Variants in DSE observed in about 807,000 individuals in gnomAD.
The protein encoded by DSE is dermatan sulfate epimerase.
A neutral mutation model predicts 84.4 loss-of-function variants in DSE; 36 were observed. The observed-to-expected ratio is 0.43, with a 90% CI of 0.33 to 0.56. The LOEUF (loss-of-function observed/expected upper bound fraction) is 0.56. Ranked by LOEUF, DSE falls within the 20% of genes least tolerant of loss-of-function variation. The pLI is 0.06. For synonymous variants in DSE, 410 were observed against 430.1 expected, an observed-to-expected ratio of 0.95 and a Z score of 0.58; for missense variants, 862 against 1,169.6, an observed-to-expected ratio of 0.74 and a Z score of 3.84.
chr6:116,262,461 A>G (rs1212799269), intron 2 of DSE, among the ~76,000 whole-genome samples: 2 of 152,116 alleles, frequency 1.3e-5, no homozygotes, highest in Non-Finnish European at 2.9e-5. Flanking sequence ...ATCAGTGGTA[A>G]TATCCTCCTT....
chr6:116,285,046 G>T (rs1773796782), intron 2 of DSE, among the ~76,000 whole-genome samples: 2 of 152,100 alleles, frequency 1.3e-5, no homozygotes, highest in Non-Finnish European at 2.9e-5. Context: ...GTAATGGGAT[G>T]GCTGGGTCAA....
In DSE at chr6:116,260,716, C is replaced by T. The variant is rs1049500058; in HGVS notation, c.-54+1749C>T. On this transcript the variant is annotated intron_variant, in intron 2 of 3. Coordinates refer to the DSE transcript ENST00000430252. Reference sequence around the variant, plus strand: ...TTTTGCATATGATTAGCCAATTATCCCAGTACCATCTATTGAATAGGGAAT... The same window carrying T: ...TTTTGCATATGATTAGCCAATTATCTCAGTACCATCTATTGAATAGGGAAT... Among the ~76,000 whole-genome samples, 74 of 152,100 alleles carry T rather than the reference C, an allele frequency of 4.9e-4. 2 individuals are homozygous for T. Among genetic ancestry groups the T allele is most frequent in the Admixed American group, 6.6e-4 (10 of 15,266 alleles).
chr6:116,316,896 C>G (rs1442911573), intron 2 of DSE, among the ~76,000 whole-genome samples: 1 of 150,654 alleles, frequency 6.6e-6, no homozygotes, highest in Non-Finnish European at 1.5e-5. Context: ...GGTACCTTAG[C>G]TCATTTACTA....
chr6:116,303,928 G>A (rs1005859915), intron 2 of DSE, among the ~76,000 whole-genome samples: 3 of 152,070 alleles, frequency 2.0e-5, no homozygotes, highest in Non-Finnish European at 4.4e-5. Flanking sequence ...AAGGTCAGGA[G>A]ATCGAGACCA....
chr6:116,422,342 C>A (rs1219851086), intron 2 of DSE, among the ~76,000 whole-genome samples: 2 of 152,222 alleles, frequency 1.3e-5, no homozygotes, highest in African/African-American at 4.8e-5. Context: ...CCAAGTTTGT[C>A]ATTGGCAACA....
At chr6:116,351,667 T>C (rs1287619999) in intron 2 of DSE, among the ~76,000 whole-genome samples, 2 of 152,206 alleles carry the variant, frequency 1.3e-5, no homozygotes, top group African/African-American at 4.8e-5. Context: ...ATATTGACCA[T>C]CTTGGATAGT....
At chr6:116,287,821 C>G (rs927387236) in intron 2 of DSE, among the ~76,000 whole-genome samples, 1 of 152,048 alleles carries the variant, frequency 6.6e-6, no homozygotes, top group African/African-American at 2.4e-5. Flanking sequence ...GCAGCTCCTG[C>G]TGAGATTGTC....
Position 116,405,828 on chromosome 6 carries a change from C to T in DSE, c.416+6162C>T, listed in dbSNP as rs147621833. On this transcript the variant is annotated intron_variant, in intron 2 of 5. Transcript: ENST00000644252. The stretch of plus-strand genomic sequence containing the variant: ...AGAGGACCCGAGGGAGAGGCATAGG[C>T]AGGTGTACAGATTAGTTGAGCAGCC... Among the ~76,000 whole-genome samples the T allele has an allele frequency of 3.0e-3, 461 of 152,232 alleles. 2 individuals are homozygous for T. The highest frequency in any genetic ancestry group is 8.8e-3 in the Admixed American group (134 of 15,288).
At chr6:116,428,885 GA>G (rs1206074527) in intron 3 of DSE, among the ~76,000 whole-genome samples, 3 of 151,952 alleles carry the variant, frequency 2.0e-5, no homozygotes, top group East Asian at 1.9e-4. Flanking sequence ...TCGGGTGGCA[GA>G]AAAAAAATAC....
chr6:116,398,078 A>AAT (rs1341737558), intron 1 of DSE, among the ~76,000 whole-genome samples: 1 of 141,956 alleles, frequency 7.0e-6, no homozygotes, highest in Non-Finnish European at 1.6e-5. Context: ...TTCTCCCTTT[A>AAT]ATAATTGAAA....
intron 2 of DSE, among the ~76,000 whole-genome samples, chr6:116,333,787 A>T (rs951070252): frequency 3.9e-5 from 6 of 152,320 alleles, no homozygotes; most frequent in African/African-American, 1.4e-4. Flanking sequence ...ACATTTATAA[A>T]TTTCTCTTTA....
chr6:116,310,309 G>A (rs934409470), intron 2 of DSE, among the ~76,000 whole-genome samples: 5 of 151,770 alleles, frequency 3.3e-5, no homozygotes, highest in Admixed American at 6.6e-5. Flanking sequence ...CCCTCCTTAG[G>A]TTGTTGAACC....
chr6:116,427,806 T>C (rs1421034452), intron 3 of DSE, among the ~76,000 whole-genome samples: 3 of 152,230 alleles, frequency 2.0e-5, no homozygotes, highest in Admixed American at 1.3e-4. Flanking sequence ...GGGAATTCCA[T>C]TTATAATAAC....
intron 1 of DSE, among the ~76,000 whole-genome samples, chr6:116,383,270 T>C (rs935124551): frequency 6.6e-6 from 1 of 152,170 alleles, no homozygotes; most frequent in Non-Finnish European, 1.5e-5. Flanking sequence ...GAGTTTTTTT[T>C]CCAGCATAGA....
chr6:116,430,836 C>A, intron 3 of DSE, 118 bp from the exon 4 acceptor site: 1 of 1,421,184 alleles, frequency 7.0e-7, no homozygotes, highest in Non-Finnish European at 9.4e-7. Flanking sequence ...TGGAGTTTTA[C>A]AAAACGCGAT....
At chr6:116,416,349 CTGTGTGTGTGTGTGTGTGTG>C (rs59237926) in intron 2 of DSE, among the ~76,000 whole-genome samples, 17 of 133,960 alleles carry the variant, frequency 1.3e-4, no homozygotes, top group Non-Finnish European at 9.6e-5. Flanking sequence ...CTAATTGCCA[CTGTGTGTGTGTGTGTGTGTG>C]TGTGTGTGTG....
At chr6:116,338,334 T>A (rs1209945128) in intron 2 of DSE, among the ~76,000 whole-genome samples, 1 of 149,618 alleles carries the variant, frequency 6.7e-6, no homozygotes, top group East Asian at 2.0e-4. Context: ...GCAATTATCC[T>A]GCCTCAGCCT....
In DSE at chr6:116,279,512, C is replaced by G. The variant is rs778066670; in HGVS notation, c.-54+20545C>G. 9 of 1,609,408 alleles carry G rather than the reference C, an allele frequency of 5.6e-6. No individual in the cohort carries two copies. The South Asian group carries it at 7.7e-5, about 14-fold the overall frequency. On this transcript the variant is annotated intron_variant, in intron 2 of 3. Coordinates refer to the DSE transcript ENST00000430252. ...ATCACCACAGAAGCGGCTGCCAGGC[C>G]TTCGGCGGGAGGCTGGCCCTCTTCC...
chr6:116,280,174 G>T, intron 2 of DSE: 1 of 400,408 alleles, frequency 2.5e-6, no homozygotes, highest in African/African-American at 2.1e-5. Context: ...TGTAGGAGCA[G>T]TTGTAAAATC....
Sources: gnomAD v4.1 joint callset for allele counts (sites outside exome capture counted in the v4.1 genomes callset) on GRCh38, gnomAD v4.1.1 for gene constraint, MANE v1.5 for transcripts, NCBI Gene and HGNC (gene_info 2026-07-23, HGNC 2026-07-21) for gene names.